Variants in RAB22A observed in about 807,000 individuals in gnomAD.
RAB22A encodes RAB22A, member RAS oncogene family, also known as ras-related protein Rab-22A.
In RAB22A, 13 loss-of-function variants were observed where a neutral mutation model predicts 30.2. The ratio of observed to expected loss-of-function variants is 0.43; its 90% CI spans 0.28 to 0.68. RAB22A has a LOEUF of 0.68. Among genes scored for constraint, RAB22A ranks in the 30% least tolerant of loss-of-function variants. RAB22A has a pLI of 0.18. For missense variants in RAB22A, 177 were observed against 246.8 expected (o/e 0.72, Z 1.89); for synonymous variants, 89 against 87.2 (o/e 1.02, Z -0.11).
chr20:58,333,503 G>A (rs891102664), intron 2 of RAB22A, among the ~76,000 whole-genome samples: 1 of 151,238 alleles, frequency 6.6e-6, no homozygotes, highest in Admixed American at 6.6e-5. Context: ...AACACTATTG[G>A]CTTTAAATAT....
chr20:58,354,152 C>T lies in RAB22A; in HGVS notation c.378-4C>T, dbSNP rs545465664. On this transcript the variant is annotated splice_region_variant and splice_polypyrimidine_tract_variant and intron_variant, in intron 5 of 6. Transcript: ENST00000244040. ...ATTTCTGATATGTAGTTGTTGCCTT[C>T]CAGAGAAGTCATGGAGAGAGATGCA... The T allele has an allele frequency of 6.2e-7, 1 of 1,607,320 alleles. No individual in the cohort carries two copies. Among genetic ancestry groups the T allele is most frequent in the African/African-American group, 1.3e-5 (1 of 74,884 alleles).
intron 2 of RAB22A, among the ~76,000 whole-genome samples, chr20:58,320,269 A>G (rs899841975): frequency 5.3e-5 from 8 of 152,210 alleles, no homozygotes; most frequent in African/African-American, 1.9e-4. Context: ...CAATTCCTTT[A>G]GTAAATACTG....
In RAB22A at chr20:58,354,137, T is replaced by C. The variant is rs774108188; in HGVS notation, c.378-19T>C. 7.7e-6 allele frequency: 12 copies of C among 1,561,718 alleles called. No individual in the cohort carries two copies. Among genetic ancestry groups the C allele is most frequent in the Admixed American group, 3.4e-5 (2 of 59,010 alleles). On this transcript the variant is annotated intron_variant, in intron 5 of 6. Transcript: ENST00000244040. ...ATCTTCATGGGTAGAATTTCTGATATGTAGTTGTTGCCTTCCAGAGAAGTC... is the reference window on the plus strand; with the variant it reads ...ATCTTCATGGGTAGAATTTCTGATACGTAGTTGTTGCCTTCCAGAGAAGTC...
At chr20:58,338,996 G>T (rs984906693) in intron 2 of RAB22A, among the ~76,000 whole-genome samples, 1 of 152,214 alleles carries the variant, frequency 6.6e-6, no homozygotes, top group Non-Finnish European at 1.5e-5. Context: ...AAAGAACAGG[G>T]TTTGCAGTAA....
At chr20:58,355,390 C>T (rs1325440914) in intron 6 of RAB22A, among the ~76,000 whole-genome samples, 1 of 152,068 alleles carries the variant, frequency 6.6e-6, no homozygotes, top group Non-Finnish European at 1.5e-5. Flanking sequence ...TTTACATGTC[C>T]CATTGTTTAG....
intron 2 of RAB22A, among the ~76,000 whole-genome samples, chr20:58,323,825 G>A (rs1157177423): frequency 6.6e-6 from 1 of 150,892 alleles, no homozygotes; most frequent in Admixed American, 6.6e-5. Flanking sequence ...TTAACATAAT[G>A]TTGACTTTAT....
rs1987069742 is a variant in RAB22A at position 58,352,531 on chromosome 20, CAA to C, written c.199-740_199-739del. Among the ~76,000 whole-genome samples, 3 of 152,290 alleles carry C rather than the reference CAA, an allele frequency of 2.0e-5. No homozygotes were observed. The East Asian group carries it at 5.8e-4, about 29-fold the overall frequency. ...TGCCCAAGAACTGAGATTGACTGGG[CAA>C]AGAGCTTCACAGTCTCCATCTCACA... is the stretch of plus-strand genomic sequence containing the variant. On this transcript the variant is annotated intron_variant, in intron 3 of 6. Coordinates refer to ENST00000244040, the MANE Select transcript of RAB22A (RefSeq NM_020673.3).
rs556610608 is a variant in RAB22A at position 58,362,232 on chromosome 20, G to A, written c.*2529G>A. 6.6e-6 allele frequency: 1 copy of A among 152,106 alleles called. No individual in the cohort carries two copies. Among genetic ancestry groups the A allele is most frequent in the Admixed American group, 6.5e-5 (1 of 15,290 alleles). The allele number at this position is 152,106 out of a possible 1,614,324, so 9.4% of individuals were successfully genotyped here. Reference sequence around the variant, plus strand: ...ATAATCCATACTCAGTGAAAGCAGGGAAAAAATATTTTCACTTATTTTATT... The same window carrying A: ...ATAATCCATACTCAGTGAAAGCAGGAAAAAAATATTTTCACTTATTTTATT... On this transcript the variant is annotated 3_prime_UTR_variant, in exon 7 of 7. Transcript: ENST00000244040.
intron 2 of RAB22A, among the ~76,000 whole-genome samples, chr20:58,342,808 AG>A (rs1425709240): frequency 6.6e-6 from 1 of 152,022 alleles, no homozygotes; most frequent in Admixed American, 6.6e-5. Flanking sequence ...CCTCTGGGTG[AG>A]GGGGGAATGG....
chr20:58,359,558 C>A, intron 6 of RAB22A, 48 bp from the exon 7 acceptor site: 2 of 1,222,560 alleles, frequency 1.6e-6, no homozygotes, highest in South Asian at 1.5e-5. Flanking sequence ...ATTGTTGTGT[C>A]TGAGAAAGTT....
At chr20:58,310,938 G>T (rs3746404) in intron 1 of RAB22A, 105 bp from the exon 2 acceptor site, 1 of 908,948 alleles carries the variant, frequency 1.1e-6, no homozygotes, top group East Asian at 2.4e-5. Context: ...AAATTTACAC[G>T]TCTAGGGTGA....
At chr20:58,337,405 A>G (rs1986776036) in intron 2 of RAB22A, among the ~76,000 whole-genome samples, 1 of 152,134 alleles carries the variant, frequency 6.6e-6, no homozygotes, top group East Asian at 1.9e-4. Flanking sequence ...TCTCTCCATC[A>G]CAAGATCCTC....
At chr20:58,327,372 T>C (rs1395234724) in intron 2 of RAB22A, among the ~76,000 whole-genome samples, 1 of 152,210 alleles carries the variant, frequency 6.6e-6, no homozygotes, top group East Asian at 1.9e-4. Context: ...GGTGTTGCAA[T>C]CAAGATGTCA....
At chr20:58,329,362 C>T (rs1296337135) in intron 2 of RAB22A, among the ~76,000 whole-genome samples, 4 of 152,088 alleles carry the variant, frequency 2.6e-5, no homozygotes, top group Non-Finnish European at 4.4e-5. Flanking sequence ...TGCATACTCA[C>T]TTTTGAGGTA....
At chr20:58,347,894 G>A (rs944085953) in intron 3 of RAB22A, among the ~76,000 whole-genome samples, 3 of 152,142 alleles carry the variant, frequency 2.0e-5, no homozygotes, top group African/African-American at 7.2e-5. Flanking sequence ...TGTAGTAAGA[G>A]CATGTCAAAT....
At chr20:58,332,262 C>T (rs536143869) in intron 2 of RAB22A, among the ~76,000 whole-genome samples, 1 of 152,246 alleles carries the variant, frequency 6.6e-6, no homozygotes, top group South Asian at 2.1e-4. Flanking sequence ...AGAAGAGAGC[C>T]GTAGCTGCTC....
At chr20:58,324,340 C>T (rs1027574575) in intron 2 of RAB22A, among the ~76,000 whole-genome samples, 9 of 151,804 alleles carry the variant, frequency 5.9e-5, no homozygotes, top group African/African-American at 9.7e-5. Context: ...CTTTCATATA[C>T]GTTTTCCAAT....
At chr20:58,357,765 A>T (rs1041162453) in intron 6 of RAB22A, among the ~76,000 whole-genome samples, 21 of 152,200 alleles carry the variant, frequency 1.4e-4, no homozygotes, top group African/African-American at 5.1e-4. Context: ...ACATTGGGAG[A>T]TACTTTCTCA....
chr20:58,359,718 C>A lies in RAB22A; in HGVS notation c.*15C>A, dbSNP rs1175187864. 1.3e-5 allele frequency: 20 copies of A among 1,586,844 alleles called. 1 individual carries two copies. In the African/African-American group the frequency reaches 1.6e-4, roughly 13 times the overall value. On this transcript the variant is annotated 3_prime_UTR_variant, in exon 7 of 7. Transcript: ENST00000244040. ...GCTGCTGCTGACCGAACCTCAGCCT[C>A]TCAGACTTGATGATGAAGTAGGTGG...
Sources: allele counts gnomAD v4.1 joint callset (sites outside exome capture counted in the v4.1 genomes callset), GRCh38; gene constraint gnomAD v4.1.1; transcripts MANE v1.5; gene names NCBI Gene and HGNC (gene_info 2026-07-23, HGNC 2026-07-21).